The following HIBCH variants were observed in gnomAD, a reference collection of about 807,000 sequenced individuals.
The protein encoded by HIBCH is 3-hydroxyisobutyryl-CoA hydrolase.
In HIBCH, 50 loss-of-function variants were observed where a neutral mutation model predicts 58.2. The ratio of observed to expected loss-of-function variants is 0.86; its 90% confidence interval spans 0.68 to 1.09. HIBCH has a LOEUF of 1.09. HIBCH is among the 50% of genes least tolerant of loss of function. The pLI is 0.00. For synonymous variants in HIBCH, 151 were observed against 146.9 expected (o/e 1.03, Z -0.20); for missense variants, 450 against 449.7 (o/e 1.00, Z -0.01).
At chr2:190,310,966 G>A in intron 1 of HIBCH, 170 bp from the exon 2 acceptor site, 1 of 704,378 alleles carries the variant, frequency 1.4e-6, no homozygotes, top group Non-Finnish European at 2.6e-6. Context: ...AAATGGTACA[G>A]CCACTTTGCA....
intron 6 of HIBCH, among the ~76,000 whole-genome samples, chr2:190,280,686 G>A (rs1687683257): frequency 6.6e-6 from 1 of 152,152 alleles, no homozygotes. Context: ...AACACACTGA[G>A]CATATGGCCC....
chr2:190,309,749 T>C (rs1408215833), intron 2 of HIBCH, among the ~76,000 whole-genome samples: 1 of 151,692 alleles, frequency 6.6e-6, no homozygotes, highest in East Asian at 1.9e-4. Context: ...TTAGCAGAGA[T>C]GGGGTTTCAC....
intron 11 of HIBCH, among the ~76,000 whole-genome samples, chr2:190,226,353 T>C (rs1411034306): frequency 2.0e-5 from 3 of 152,126 alleles, no homozygotes. Context: ...CCCAGCACTT[T>C]GGGAGGTCGA....
intron 11 of HIBCH, chr2:190,213,335 T>A: frequency 2.3e-6 from 1 of 434,436 alleles, no homozygotes; most frequent in Admixed American, 3.6e-5. Flanking sequence ...TAGCATAAAT[T>A]ATGCCAATTG....
At chr2:190,227,881 G>A (rs1273431940) in intron 11 of HIBCH, among the ~76,000 whole-genome samples, 4 of 152,124 alleles carry the variant, frequency 2.6e-5, no homozygotes, top group East Asian at 1.9e-4. Flanking sequence ...TTAGAACGAC[G>A]ATCATTAAAA....
chr2:190,258,051 T>A (rs935959083), intron 7 of HIBCH, among the ~76,000 whole-genome samples: 1 of 152,132 alleles, frequency 6.6e-6, no homozygotes, highest in African/African-American at 2.4e-5. Context: ...TGAATTGTAA[T>A]CCCCAGTGTC....
Position 190,252,185 on chromosome 2 carries a change from T to G in HIBCH, c.640A>C (p.Thr214Pro). The part of the protein sequence containing the change: ...GRDVYRAGIA[T>P]HFVDSEKLAM... ...ACCTTTTCAGAATCTACAAAGTGTG[T>G]AGCAATTCCTGCTCTGTACACATCT... Residue 214 changes from threonine to proline, a missense_variant, in exon 8 of 14, where the codon ACA becomes CCA. Transcript: ENST00000359678. The G allele has an allele frequency of 1.2e-6, 2 of 1,613,944 alleles. No homozygotes were observed. The highest frequency in any genetic ancestry group is 1.1e-5 in the South Asian group (1 of 91,078).
intron 11 of HIBCH, among the ~76,000 whole-genome samples, chr2:190,233,299 G>A (rs753662984): frequency 2.4e-4 from 37 of 152,130 alleles, no homozygotes; most frequent in Admixed American, 1.0e-3. Context: ...CAGAAAAGAA[G>A]ATGATATGGT....
At chr2:190,247,698 C>T (rs1686650611) in intron 9 of HIBCH, among the ~76,000 whole-genome samples, 1 of 151,896 alleles carries the variant, frequency 6.6e-6, no homozygotes, top group Admixed American at 6.6e-5. Context: ...GTTTTTTATT[C>T]CCAACTTTTG....
intron 8 of HIBCH, among the ~76,000 whole-genome samples, chr2:190,250,792 AAC>A (rs1197656803): frequency 1.3e-5 from 2 of 152,248 alleles, no homozygotes; most frequent in African/African-American, 4.8e-5. Flanking sequence ...CAGAATCTGT[AAC>A]AGTGTGAGAA....
At position 190,236,097 on chromosome 2, in the gene HIBCH, C is replaced by T. The variant is rs112383101; in HGVS notation, c.891+8790G>A. Among the ~76,000 whole-genome samples, 4 of 152,018 alleles carry T rather than the reference C, an allele frequency of 2.6e-5. No homozygotes were observed. The highest frequency in any genetic ancestry group is 7.2e-5 in the African/African-American group (3 of 41,410). ...AAGGTAAGAGGTTGAGAGAAAAAGA[C>T]GTAACAGAATGGAGACAAGCAGACA... On this transcript the variant is annotated intron_variant, in intron 11 of 13. Coordinates refer to ENST00000359678, the MANE Select transcript of HIBCH (RefSeq NM_014362.4). This position sits in a 1 kb window ranked among gnomAD's most constrained non-coding sequence, Gnocchi z 4.1.
intron 9 of HIBCH, among the ~76,000 whole-genome samples, chr2:190,246,453 A>G (rs1212213085): frequency 6.6e-6 from 1 of 152,190 alleles, no homozygotes; most frequent in Non-Finnish European, 1.5e-5. Context: ...TACATGTATA[A>G]ATATATGTAA....
At chr2:190,309,458 T>G (rs898442565) in intron 2 of HIBCH, among the ~76,000 whole-genome samples, 1 of 152,216 alleles carries the variant, frequency 6.6e-6, no homozygotes, top group Non-Finnish European at 1.5e-5. Flanking sequence ...TATTTCTTCC[T>G]TATAATCTGA....
Position 190,319,763 on chromosome 2 carries a change from C to A in HIBCH, c.-13G>T, listed in dbSNP as rs768615615. 5 of 1,610,784 alleles carry A rather than the reference C, an allele frequency of 3.1e-6. No individual in the cohort carries two copies. The South Asian group carries it at 4.4e-5, about 14-fold the overall frequency. ...CGCGCTGCCCCATCGCCAAACACTCCGAAGCTAAAGCAGCAGAGCGAGAAT... is the reference window on the plus strand; with the variant it reads ...CGCGCTGCCCCATCGCCAAACACTCAGAAGCTAAAGCAGCAGAGCGAGAAT... On this transcript the variant is annotated 5_prime_UTR_variant, in exon 1 of 14. Transcript: ENST00000359678.
At chr2:190,205,974 C>T (rs1003565257) in intron 13 of HIBCH, among the ~76,000 whole-genome samples, 3 of 152,130 alleles carry the variant, frequency 2.0e-5, no homozygotes, top group Non-Finnish European at 4.4e-5. Context: ...TTCTTACAAC[C>T]GCATGAATCT....
chr2:190,224,995 C>G lies in HIBCH; in HGVS notation c.892-11920G>C, dbSNP rs576091946. On this transcript the variant is annotated intron_variant, in intron 11 of 13. Transcript: ENST00000359678. ...TCAAAATCGCTCAACTACTTGGAAA[C>G]AGAACAACTTGCTCCTGAATGACTA... is the stretch of plus-strand genomic sequence containing the variant. Among the ~76,000 whole-genome samples, 3 of 152,300 alleles carry G rather than the reference C, an allele frequency of 2.0e-5. No individual in the cohort carries two copies. In the East Asian group the frequency reaches 5.8e-4, roughly 29 times the overall value.
chr2:190,312,983 C>T (rs1688598094), intron 1 of HIBCH, among the ~76,000 whole-genome samples: 1 of 152,224 alleles, frequency 6.6e-6, no homozygotes, highest in South Asian at 2.1e-4. Context: ...CCTGTAATCC[C>T]AGCTACTCAG....
intron 9 of HIBCH, 128 bp downstream of exon 9, chr2:190,249,512 T>C: frequency 1.6e-6 from 1 of 625,196 alleles, no homozygotes; most frequent in East Asian, 2.9e-5. Flanking sequence ...CTGCCACGCT[T>C]TAAAGTAAAT....
Position 190,207,506 on chromosome 2 carries a change from TGAA to T in HIBCH, c.1045+1371_1045+1373del, listed in dbSNP as rs1690419095. Among the ~76,000 whole-genome samples, 1 of 152,194 alleles carries T rather than the reference TGAA, an allele frequency of 6.6e-6. No individual in the cohort carries two copies. The highest frequency in any genetic ancestry group is 6.5e-5 in the Admixed American group (1 of 15,284). On this transcript the variant is annotated intron_variant, in intron 13 of 13. Coordinates refer to ENST00000359678, the MANE Select transcript of HIBCH (RefSeq NM_014362.4). The surrounding 1 kb of genome is among the most constrained non-coding windows in gnomAD (Gnocchi z 4.5). Reference sequence around the variant, plus strand: ...TTCTGATATTGTATCATGTCAGAAATGAAGAGAACTCTATGAAGAGTGATTGTT... The same window carrying T: ...TTCTGATATTGTATCATGTCAGAAATGAGAACTCTATGAAGAGTGATTGTT...
Sources: allele counts gnomAD v4.1 joint callset (sites outside exome capture counted in the v4.1 genomes callset), GRCh38; gene constraint gnomAD v4.1.1; non-coding constraint Gnocchi (gnomAD v3.1); transcripts MANE v1.5; gene names NCBI Gene and HGNC (gene_info 2026-07-23, HGNC 2026-07-21).